Variants in MACROD2 observed in about 807,000 individuals in gnomAD.
MACROD2 encodes ADP-ribose glycohydrolase MACROD2.
Under a neutral mutation model 70.4 loss-of-function variants are expected in MACROD2, and 36 were observed. That is an observed-to-expected ratio of 0.51 (90% confidence interval 0.39 to 0.68). The LOEUF (loss-of-function observed/expected upper bound fraction) is 0.68. Among genes scored for constraint, MACROD2 ranks in the 30% least tolerant of loss-of-function variants. MACROD2 has a pLI of 0.00. For missense variants in MACROD2, 496 were observed against 538.4 expected (o/e 0.92, Z 0.78); for synonymous variants, 172 against 178.8 (o/e 0.96, Z 0.30).
intron 3 of MACROD2, among the ~76,000 whole-genome samples, chr20:14,163,165 T>G (rs1601297839): frequency 6.6e-6 from 1 of 152,328 alleles, no homozygotes; most frequent in East Asian, 1.9e-4. Context: ...CAGCATTTAC[T>G]TATCTGGGAA....
chr20:15,569,864 A>C (rs1230355270), intron 8 of MACROD2, among the ~76,000 whole-genome samples: 1 of 152,136 alleles, frequency 6.6e-6, no homozygotes, highest in Non-Finnish European at 1.5e-5. Flanking sequence ...TATATATACC[A>C]CATTTTATTT....
chr20:15,085,109 G>T (rs954259595), intron 5 of MACROD2, among the ~76,000 whole-genome samples: 39 of 152,062 alleles, frequency 2.6e-4, no homozygotes, highest in African/African-American at 9.2e-4. Flanking sequence ...CTCACATAAT[G>T]GTCCATTGTT....
intron 4 of MACROD2, among the ~76,000 whole-genome samples, chr20:14,520,383 C>A (rs2123174080): frequency 6.6e-6 from 1 of 151,982 alleles, no homozygotes; most frequent in South Asian, 2.1e-4. Flanking sequence ...TGCCTGAATT[C>A]TTTACTCTGA....
At chr20:14,777,548 A>ACC (rs1445701227) in intron 5 of MACROD2, among the ~76,000 whole-genome samples, 39 of 152,128 alleles carry the variant, frequency 2.6e-4, no homozygotes, top group African/African-American at 9.2e-4. Context: ...TTGCTTGGAA[A>ACC]CTGAAATGAG....
At chr20:15,276,120 G>A (rs529365294) in intron 6 of MACROD2, among the ~76,000 whole-genome samples, 1 of 152,250 alleles carries the variant, frequency 6.6e-6, no homozygotes, top group African/African-American at 2.4e-5. Context: ...CATTGATGAG[G>A]CTGGTTGCGG....
intron 7 of MACROD2, among the ~76,000 whole-genome samples, chr20:15,467,699 T>A (rs1404764316): frequency 2.7e-5 from 4 of 146,954 alleles, no homozygotes; most frequent in Non-Finnish European, 5.9e-5. Flanking sequence ...AAATCAAATA[T>A]TTATTGATTC....
rs1600372007 is a variant in MACROD2 at position 14,548,436 on chromosome 20, T to TTAGTTTTTTTTTTTTA, written c.301+54928_301+54929insTAGTTTTTTTTTTTTA. Among the ~76,000 whole-genome samples the TTAGTTTTTTTTTTTTA allele has an allele frequency of 2.3e-4, 21 of 92,168 alleles. 1 individual carries two copies. Among genetic ancestry groups the TTAGTTTTTTTTTTTTA allele is most frequent in the Admixed American group, 5.0e-4 (4 of 7,970 alleles). 60.5% of individuals were successfully genotyped at this position (92,168 alleles called of 152,430 possible). A position where few individuals can be genotyped will look rare whatever the true frequency, so the allele number is the denominator to read the frequency against. Reference sequence around the variant, plus strand: ...ATCTAACACTATAAAATACATTATCTGGCCGGGCGCGGTGGCTCACGCCTG... The same window carrying TTAGTTTTTTTTTTTTA: ...ATCTAACACTATAAAATACATTATCTTAGTTTTTTTTTTTTAGGCCGGGCGCGGTGGCTCACGCCTG... On this transcript the variant is annotated intron_variant, in intron 4 of 17. Transcript: ENST00000684519.
intron 6 of MACROD2, among the ~76,000 whole-genome samples, chr20:15,377,223 T>C (rs2045575927): frequency 6.6e-6 from 1 of 152,146 alleles, no homozygotes; most frequent in African/African-American, 2.4e-5. Flanking sequence ...TTTCTTTAAG[T>C]GTATTACATT....
At chr20:14,237,159 A>G (rs1740905513) in intron 3 of MACROD2, among the ~76,000 whole-genome samples, 1 of 152,134 alleles carries the variant, frequency 6.6e-6, no homozygotes, top group Non-Finnish European at 1.5e-5. Context: ...CTACCTCTAT[A>G]ACAAGCTCTC....
At chr20:15,909,961 C>G (rs1422880908) in intron 10 of MACROD2, among the ~76,000 whole-genome samples, 1 of 152,048 alleles carries the variant, frequency 6.6e-6, no homozygotes, top group Non-Finnish European at 1.5e-5. Flanking sequence ...TAATGGGGCT[C>G]AGGATTTCTG....
intron 15 of MACROD2, among the ~76,000 whole-genome samples, chr20:16,035,788 A>AGGCTG: frequency 6.6e-6 from 1 of 151,814 alleles, no homozygotes; most frequent in Non-Finnish European, 1.5e-5. Flanking sequence ...ATCCATCCAC[A>AGGCTG]TGAGCTGAGT....
At chr20:14,970,410 CT>C (rs112285410) in intron 5 of MACROD2, among the ~76,000 whole-genome samples, 5 of 151,984 alleles carry the variant, frequency 3.3e-5, no homozygotes, top group African/African-American at 1.2e-4. Context: ...TTTCAAGCTA[CT>C]TTAAAAAAGG....
At chr20:14,459,230 G>A (rs1293912416) in intron 3 of MACROD2, among the ~76,000 whole-genome samples, 1 of 151,884 alleles carries the variant, frequency 6.6e-6, no homozygotes, top group East Asian at 1.9e-4. Context: ...AGGGGCTCAA[G>A]CAGAGAATTT....
chr20:14,588,111 C>T (rs980855327), intron 4 of MACROD2, among the ~76,000 whole-genome samples: 6 of 152,080 alleles, frequency 3.9e-5, no homozygotes, highest in Admixed American at 6.6e-5. Flanking sequence ...CAGTAAATAA[C>T]GGGATGATCA....
At chr20:15,128,342 C>A (rs963854559) in intron 5 of MACROD2, among the ~76,000 whole-genome samples, 3 of 152,136 alleles carry the variant, frequency 2.0e-5, no homozygotes, top group African/African-American at 4.8e-5. Context: ...TCCCTTCCAA[C>A]GTTCCATTAC....
Position 15,860,903 on chromosome 20 carries a change from A to G in MACROD2, c.646-1842A>G, listed in dbSNP as rs188753146. 4.6e-3 allele frequency among the ~76,000 whole-genome samples: 705 copies of G among 152,316 alleles called. 4 individuals are homozygous for G. The highest frequency in any genetic ancestry group is 0.016 in the African/African-American group (675 of 41,574). ...TGCAGGTGATTCTGGGCTCCACTGA[A>G]GGGGCATGAAGGGCTTTTGTAGAGT... On this transcript the variant is annotated intron_variant, in intron 8 of 17. Transcript: ENST00000684519.
chr20:14,814,074 G>A lies in MACROD2; in HGVS notation c.418+129115G>A, dbSNP rs576168855. Among the ~76,000 whole-genome samples the A allele has an allele frequency of 1.1e-4, 16 of 152,170 alleles. No individual in the cohort carries two copies. The East Asian group carries it at 2.9e-3, about 28-fold the overall frequency. ...CAGGAAACTGGAAGAAAACCAAATAGGTATTTCTTAGTATACATCACAATA... is the reference window on the plus strand; with the variant it reads ...CAGGAAACTGGAAGAAAACCAAATAAGTATTTCTTAGTATACATCACAATA... On this transcript the variant is annotated intron_variant, in intron 5 of 17. Coordinates refer to ENST00000684519, the MANE Select transcript of MACROD2 (RefSeq NM_001351661.2).
At chr20:15,853,464 G>C (rs1364218468) in intron 8 of MACROD2, among the ~76,000 whole-genome samples, 1 of 152,136 alleles carries the variant, frequency 6.6e-6, no homozygotes, top group East Asian at 1.9e-4. Flanking sequence ...ATCTAGGTGG[G>C]CCTAACTTCA....
chr20:15,920,556 AGACCTC>A (rs1416594682), intron 10 of MACROD2, among the ~76,000 whole-genome samples: 1 of 152,166 alleles, frequency 6.6e-6, no homozygotes, highest in African/African-American at 2.4e-5. Context: ...TTTTATTAAA[AGACCTC>A]TGTTGCATTT....
Sources: gnomAD v4.1 joint callset for allele counts (sites outside exome capture counted in the v4.1 genomes callset) on GRCh38, gnomAD v4.1.1 for gene constraint, MANE v1.5 for transcripts, NCBI Gene and HGNC (gene_info 2026-07-23, HGNC 2026-07-21) for gene names.